The following PROC variants were observed in gnomAD, a reference collection of about 807,000 sequenced individuals.
PROC encodes the protein protein C, inactivator of coagulation factors Va and VIIIa.
A neutral mutation model predicts 36.3 loss-of-function variants in PROC; 22 were observed. The ratio of observed to expected loss-of-function variants is 0.61; its 90% CI spans 0.43 to 0.86. The LOEUF (loss-of-function observed/expected upper bound fraction) is 0.86, where lower values mean the gene tolerates loss of function less well. Among genes scored for constraint, PROC ranks in the 40% least tolerant of loss-of-function variants. The pLI is 0.00. For missense variants in PROC, 526 were observed against 629.7 expected, an observed-to-expected ratio of 0.84 and a Z score of 1.76; for synonymous variants, 218 against 244.5, an observed-to-expected ratio of 0.89 and a Z score of 1.01.
chr2:127,423,634 T>G, intron 6 of PROC: 1 of 610,248 alleles, frequency 1.6e-6, no homozygotes, highest in Admixed American at 4.0e-5. Flanking sequence ...CCTTTCTTCC[T>G]GGCGTCCCCG....
At chr2:127,420,347 C>T (rs1262045570) in intron 2 of PROC, among the ~76,000 whole-genome samples, 5 of 152,132 alleles carry the variant, frequency 3.3e-5, no homozygotes, top group Non-Finnish European at 5.9e-5. Context: ...CCCAGGCTAC[C>T]GTCCACACTA....
In PROC at chr2:127,427,122, A is replaced by G. The variant is rs1688554249; in HGVS notation, c.696A>G (p.Ser232=). The change falls in exon 8 of 9, where the codon TCA becomes TCG. Residue 232 remains serine (S), a synonymous_variant. Transcript: ENST00000234071. ...CATTCCAGGTGGTCCTGCTGGACTC[A>G]AAGAAGAAGCTGGCCTGCGGGGCAG... ...DSPWQVVLLD[S]KKKLACGAVL... is the part of the protein sequence containing the mutation. The G allele has an allele frequency of 6.2e-7, 1 of 1,613,838 alleles. No individual in the cohort carries two copies. Among genetic ancestry groups the G allele is most frequent in the Admixed American group, 1.7e-5 (1 of 60,018 alleles).
rs1688090934 is a variant in PROC at position 127,421,523 on chromosome 2, T to G, written c.237+74T>G. The G allele has an allele frequency of 2.6e-6, 4 of 1,562,006 alleles. No individual in the cohort carries two copies. The African/African-American group carries it at 5.4e-5, about 21-fold the overall frequency. ...ACCAGCAGGGGCCTCGAGGAGCAGG[T>G]GGGGACTCAATGCTGAGGCCCTCTT... On this transcript the variant is annotated intron_variant, in intron 3 of 8. Transcript: ENST00000234071.
chr2:127,419,818 C>CACACACA (rs1687981104), intron 1 of PROC, 104 bp from the exon 2 acceptor site: 1 of 1,585,796 alleles, frequency 6.3e-7, no homozygotes, highest in Non-Finnish European at 8.6e-7. Context: ...TCCGCCCTGA[C>CACACACA]GGCCAGCACA....
Position 127,418,626 on chromosome 2 carries a change from C to A in PROC, c.-22+134C>A. The A allele has an allele frequency of 1.4e-6, 1 of 734,422 alleles. No homozygotes were observed. The highest frequency in any genetic ancestry group is 2.0e-6 in the Non-Finnish European group (1 of 498,626). The allele number at this position is 734,422 out of a possible 1,614,324, so 45.5% of individuals were successfully genotyped here. A position where few individuals can be genotyped will look rare whatever the true frequency, so the allele number is the denominator to read the frequency against. ...CAAGCCTGAGCTTGGGGTGAAAGGA[C>A]ACAAGGCCCTCCACAGGCCAGGCCT... On this transcript the variant is annotated intron_variant, in intron 1 of 8. Coordinates refer to ENST00000234071, the MANE Select transcript of PROC (RefSeq NM_000312.4). This position sits in a 1 kb window ranked among gnomAD's most constrained non-coding sequence, Gnocchi z 4.8.
At chr2:127,427,300 G>A (rs1558716882) in intron 8 of PROC, 78 bp downstream of exon 8, 6 of 1,305,054 alleles carry the variant, frequency 4.6e-6, no homozygotes, top group Non-Finnish European at 5.5e-6. Flanking sequence ...AGGTTTGGGG[G>A]ACCCCGCTCC....
At chr2:127,421,216 C>T in intron 2 of PROC, 67 bp from the exon 3 acceptor site, 1 of 1,534,458 alleles carries the variant, frequency 6.5e-7, no homozygotes, top group Non-Finnish European at 9.0e-7. Flanking sequence ...TTCCTCAGAC[C>T]CCCTCATGGC....
At position 127,421,344 on chromosome 2, in the gene PROC, C is replaced by T. The variant is rs775598456; in HGVS notation, c.132C>T (p.Asn44=). 3.1e-6 allele frequency: 5 copies of T among 1,613,938 alleles called. No homozygotes were observed. The East Asian group carries it at 8.9e-5, about 29-fold the overall frequency. Residue 44 remains asparagine (N), a synonymous_variant, in exon 3 of 9, where the codon AAC becomes AAT. Transcript: ENST00000234071. ...HQVLRIRKRA[N]SFLEELRHSS... The stretch of plus-strand genomic sequence containing the variant: ...TGCTGCGGATCCGCAAACGTGCCAA[C>T]TCCTTCCTGGAGGAGCTCCGTCACA...
intron 3 of PROC, 65 bp from the exon 4 acceptor site, chr2:127,422,852 C>T (rs1484830687): frequency 6.5e-7 from 1 of 1,540,596 alleles, no homozygotes; most frequent in African/African-American, 1.4e-5. Context: ...CTGCCCTGCC[C>T]CACCCGGGCG....
At chr2:127,427,303 C>A (rs903710542) in intron 8 of PROC, 81 bp downstream of exon 8, 1 of 1,269,226 alleles carries the variant, frequency 7.9e-7, no homozygotes, top group Non-Finnish European at 1.1e-6. Flanking sequence ...TTTGGGGGAC[C>A]CCGCTCCCCA....
chr2:127,419,143 T>G (rs1687940957), intron 1 of PROC, among the ~76,000 whole-genome samples: 1 of 152,156 alleles, frequency 6.6e-6, no homozygotes, highest in Non-Finnish European at 1.5e-5. Context: ...CAGAATCTGA[T>G]CGATCCCCTG....
chr2:127,420,811 T>TG (rs1491457073), intron 2 of PROC, among the ~76,000 whole-genome samples: 2 of 152,094 alleles, frequency 1.3e-5, no homozygotes, highest in East Asian at 3.9e-4. Context: ...AGAGGAAGAC[T>TG]GGGGGGATGT....
In PROC at chr2:127,419,940, A is replaced by G. The variant is rs1179416161; in HGVS notation, c.-3A>G. 6.2e-7 allele frequency: 1 copy of G among 1,613,976 alleles called. No individual in the cohort carries two copies. Among genetic ancestry groups the G allele is most frequent in the Non-Finnish European group, 8.5e-7 (1 of 1,180,000 alleles). The stretch of plus-strand genomic sequence containing the variant: ...TCCTCAGACAGGTGCCAGTGCCTCC[A>G]GAATGTGGCAGCTCACAAGCCTCCT... On this transcript the variant is annotated 5_prime_UTR_variant, in exon 2 of 9. Transcript: ENST00000234071.
intron 6 of PROC, 185 bp downstream of exon 6, chr2:127,423,593 G>A (rs780899059): frequency 1.3e-6 from 1 of 754,254 alleles, no homozygotes. Context: ...ATCAGCCCGG[G>A]AGCTGGGCGC....
chr2:127,423,798 G>A (rs550206552), intron 6 of PROC, among the ~76,000 whole-genome samples: 1 of 152,386 alleles, frequency 6.6e-6, no homozygotes, highest in South Asian at 2.1e-4. Context: ...GTTGTCCGGC[G>A]TGCATCGCAT....
At chr2:127,428,320 C>T (rs1379325929) in intron 8 of PROC, 37 bp from the exon 9 acceptor site, 1 of 1,602,604 alleles carries the variant, frequency 6.2e-7, no homozygotes, top group East Asian at 2.2e-5. Flanking sequence ...GGAGAGGCTC[C>T]CCGCAGCCCA....
intron 6 of PROC, among the ~76,000 whole-genome samples, chr2:127,423,846 A>C (rs1688304075): frequency 6.6e-6 from 1 of 152,274 alleles, no homozygotes; most frequent in Admixed American, 6.5e-5. Context: ...AGGAGAGAAC[A>C]GAATCCCGAT....
chr2:127,421,318 G>A lies in PROC; in HGVS notation c.106G>A (p.Val36Met). 6.2e-7 allele frequency: 1 copy of A among 1,613,860 alleles called. No homozygotes were observed. The highest frequency in any genetic ancestry group is 8.5e-7 in the Non-Finnish European group (1 of 1,179,904). Residue 36 changes from valine (V) to methionine (M), a missense_variant, in exon 3 of 9, where the codon GTG becomes ATG. By Grantham distance (21) the Val-to-Met change is conservative (BLOSUM62 1). Transcript: ENST00000234071. ...CTCCAGCAGCGAGCGTGCCCACCAG[G>A]TGCTGCGGATCCGCAAACGTGCCAA... ...VFSSSERAHQ[V>M]LRIRKRANSF... is the part of the protein sequence containing the mutation.
Position 127,421,165 on chromosome 2 carries a change from G to A in PROC, c.71-118G>A, listed in dbSNP as rs547483675. The A allele has an allele frequency of 4.9e-6, 5 of 1,027,966 alleles. No individual in the cohort carries two copies. In the African/African-American group the frequency reaches 6.3e-5, roughly 13 times the overall value. 63.7% of individuals were successfully genotyped at this position (1,027,966 alleles called of 1,614,324 possible). A position where few individuals can be genotyped will look rare whatever the true frequency, so the allele number is the denominator to read the frequency against. On this transcript the variant is annotated intron_variant, in intron 2 of 8. Coordinates refer to ENST00000234071, the MANE Select transcript of PROC (RefSeq NM_000312.4). ...GACCTAGAATTAGAATGAGTCTTGA[G>A]GGGGCGGAGACAAGACCTTCCCAGG...
Sources: gnomAD v4.1 joint callset for allele counts (sites outside exome capture counted in the v4.1 genomes callset) on GRCh38, gnomAD v4.1.1 for gene constraint, Gnocchi (gnomAD v3.1) non-coding constraint, MANE v1.5 for transcripts, NCBI Gene and HGNC (gene_info 2026-07-23, HGNC 2026-07-21) for gene names.